The following VPS13A variants were observed in gnomAD, a reference collection of about 807,000 sequenced individuals.
VPS13A encodes the protein vacuolar protein sorting 13 homolog A, also known as intermembrane lipid transfer protein VPS13A.
In VPS13A, 264 loss-of-function variants were observed where a neutral mutation model predicts 390.9. The observed-to-expected ratio is 0.68, with a 90% CI of 0.61 to 0.75. The LOEUF (loss-of-function observed/expected upper bound fraction) is 0.75, where lower values mean the gene tolerates loss of function less well. Among genes scored for constraint, VPS13A ranks in the 30% least tolerant of loss-of-function variants. The probability of loss-of-function intolerance (pLI) is 0.00; values close to 1 mark genes in which losing one functional copy is unlikely to be tolerated. For synonymous variants in VPS13A, 1,231 were observed against 1,227.1 expected (o/e 1.00, Z -0.07); for missense variants, 3,409 against 3,733.9 (o/e 0.91, Z 2.27).
intron 35 of VPS13A, among the ~76,000 whole-genome samples, chr9:77,313,359 A>G (rs1829205159): frequency 6.6e-6 from 1 of 152,188 alleles, no homozygotes; most frequent in Non-Finnish European, 1.5e-5. Flanking sequence ...ACACTTATCA[A>G]ATTTCATCAA....
chr9:77,366,942 A>C (rs1195380165), intron 61 of VPS13A, 70 bp downstream of exon 61: 15 of 1,537,802 alleles, frequency 9.8e-6, no homozygotes, highest in Non-Finnish European at 1.2e-5. Flanking sequence ...AAAATTTCGT[A>C]AATGAAAAAG....
intron 68 of VPS13A, among the ~76,000 whole-genome samples, chr9:77,400,356 A>G (rs1373201114): frequency 1.3e-5 from 2 of 150,146 alleles, no homozygotes; most frequent in African/African-American, 4.9e-5. Flanking sequence ...ATGACTCTAT[A>G]TCTCTGTATT....
Position 77,332,078 on chromosome 9 carries a change from T to C in VPS13A, c.6060T>C (p.Pro2020=), listed in dbSNP as rs1587601155. Reference sequence around the variant, plus strand: ...ATACCTTATTGGGAACTGCCTCACCTGAAAATGAATTCAACATACCATTAG... The same window carrying C: ...ATACCTTATTGGGAACTGCCTCACCCGAAAATGAATTCAACATACCATTAG... ...EGDTLLGTAS[P]ENEFNIPLGS... is the part of the protein sequence containing the mutation. The change falls in exon 46 of 72, where the codon CCT becomes CCC. Residue 2020 remains proline, a synonymous_variant. Transcript: ENST00000360280. 6.2e-7 allele frequency: 1 copy of C among 1,612,026 alleles called. No homozygotes were observed. The highest frequency in any genetic ancestry group is 8.5e-7 in the Non-Finnish European group (1 of 1,178,498).
chr9:77,408,672 G>A (rs751686873), intron 71 of VPS13A, among the ~76,000 whole-genome samples: 10 of 152,314 alleles, frequency 6.6e-5, no homozygotes, highest in African/African-American at 1.7e-4. Context: ...AGGGTCCTAC[G>A]CCCACGGAGC....
chr9:77,273,436 T>C (rs1826467019), intron 24 of VPS13A, 72 bp downstream of exon 24: 2 of 1,255,850 alleles, frequency 1.6e-6, no homozygotes, highest in Non-Finnish European at 2.2e-6. Flanking sequence ...CATATTTTTC[T>C]CAAAGGACCA....
At chr9:77,382,676 T>C (rs748255970) in intron 68 of VPS13A, 2 of 993,032 alleles carry the variant, frequency 2.0e-6, no homozygotes, top group Non-Finnish European at 2.4e-6. Context: ...TGAATTACTC[T>C]TGGATTCTTG....
chr9:77,353,382 T>C (rs774142229), intron 53 of VPS13A, 27 bp from the exon 54 acceptor site: 31 of 1,556,240 alleles, frequency 2.0e-5, no homozygotes, highest in Non-Finnish European at 2.6e-5. Flanking sequence ...TTTTGGTTTT[T>C]TTTTTTTTTT....
intron 68 of VPS13A, among the ~76,000 whole-genome samples, chr9:77,388,513 A>C (rs1056537633): frequency 2.0e-5 from 3 of 151,948 alleles, no homozygotes; most frequent in Non-Finnish European, 2.9e-5. Context: ...GCAACAGTCT[A>C]CCTCCAAATA....
At chr9:77,412,322 G>A (rs1346156486) in intron 71 of VPS13A, among the ~76,000 whole-genome samples, 1 of 152,180 alleles carries the variant, frequency 6.6e-6, no homozygotes, top group Non-Finnish European at 1.5e-5. Flanking sequence ...TATCCCTGAT[G>A]AACATTGATG....
Position 77,321,714 on chromosome 9 carries a change from G to C in VPS13A, c.5798G>C (p.Ser1933Thr). Residue 1933 changes from serine to threonine, a missense_variant, in exon 44 of 72, where the codon AGC (serine) becomes ACC (threonine). Around this residue, in one of 5 missense-constraint regions of VPS13A, gnomAD observed 2,717 missense variants for 2,917.4 expected, o/e 0.93. Coordinates refer to ENST00000360280, the MANE Select transcript of VPS13A (RefSeq NM_033305.3). ...KDNDHFNAMTSLSSKLFFILL... is the reference protein window; with the variant it reads ...KDNDHFNAMTTLSSKLFFILL... ...AATGATCATTTCAATGCAATGACCA[G>C]CCTAAGCAGCAAACTCTTCTTCATT... 6.2e-7 allele frequency: 1 copy of C among 1,613,222 alleles called. No individual in the cohort carries two copies. The highest frequency in any genetic ancestry group is 8.5e-7 in the Non-Finnish European group (1 of 1,179,476).
chr9:77,299,546 C>T (rs1828221638), intron 33 of VPS13A, among the ~76,000 whole-genome samples: 1 of 152,112 alleles, frequency 6.6e-6, no homozygotes, highest in Non-Finnish European at 1.5e-5. Flanking sequence ...ACCAGAAATA[C>T]CATTTGACCC....
At chr9:77,404,646 A>G (rs556057717) in intron 69 of VPS13A, among the ~76,000 whole-genome samples, 1 of 152,348 alleles carries the variant, frequency 6.6e-6, no homozygotes, top group African/African-American at 2.4e-5. Flanking sequence ...TTCTCAACAC[A>G]GTGGACCTCT....
chr9:77,196,479 C>G (rs978199463), intron 1 of VPS13A, among the ~76,000 whole-genome samples: 1 of 152,116 alleles, frequency 6.6e-6, no homozygotes, highest in Admixed American at 6.6e-5. Context: ...TTACCTATTT[C>G]CCCTCTCGCC....
chr9:77,221,072 C>T (rs980976689), intron 12 of VPS13A, 113 bp from the exon 13 acceptor site: 20 of 1,023,552 alleles, frequency 2.0e-5, no homozygotes, highest in Middle Eastern at 2.8e-4. Flanking sequence ...GATAATATAT[C>T]ATTTTCCTAA....
rs146835491 is a variant in VPS13A, at chr9:77,337,239, A to G, written c.6096-16A>G. 4 of 1,606,740 alleles carry G rather than the reference A, an allele frequency of 2.5e-6. No homozygotes were observed. Among genetic ancestry groups the G allele is most frequent in the Non-Finnish European group, 3.4e-6 (4 of 1,177,650 alleles). ...CCTTTAAAACATTTTAAACTGTATCATTTAATCTCATGCAGATCATTCATT... is the reference window on the plus strand; with the variant it reads ...CCTTTAAAACATTTTAAACTGTATCGTTTAATCTCATGCAGATCATTCATT... On this transcript the variant is annotated splice_polypyrimidine_tract_variant and intron_variant, in intron 46 of 71. Transcript: ENST00000360280.
chr9:77,267,181 T>C (rs1826085012), intron 23 of VPS13A, among the ~76,000 whole-genome samples: 1 of 152,292 alleles, frequency 6.6e-6, no homozygotes, highest in South Asian at 2.1e-4. Context: ...TGCAAACTCA[T>C]TCTCCATCCA....
chr9:77,374,933 A>T (rs1375490463), intron 67 of VPS13A, among the ~76,000 whole-genome samples: 1 of 152,010 alleles, frequency 6.6e-6, no homozygotes, highest in Non-Finnish European at 1.5e-5. Context: ...TCATCATATG[A>T]GCTATTCCTC....
intron 7 of VPS13A, among the ~76,000 whole-genome samples, chr9:77,211,894 C>T (rs1197212422): frequency 1.3e-5 from 2 of 152,106 alleles, no homozygotes; most frequent in East Asian, 1.9e-4. Context: ...TGAGCATTAC[C>T]GCCTGAGCTC....
chr9:77,244,609 A>G (rs1361672770), intron 19 of VPS13A, among the ~76,000 whole-genome samples: 2 of 152,196 alleles, frequency 1.3e-5, no homozygotes, highest in African/African-American at 4.8e-5. Context: ...GGATATTGCT[A>G]AATGAGTGTA....
Sources: allele counts gnomAD v4.1 joint callset (sites outside exome capture counted in the v4.1 genomes callset), GRCh38; gene constraint gnomAD v4.1.1; regional missense constraint gnomAD v4.1.1; transcripts MANE v1.5; gene names NCBI Gene and HGNC (gene_info 2026-07-23, HGNC 2026-07-21).